Variants in NLGN1 observed in about 807,000 individuals in gnomAD.
The protein encoded by NLGN1 is neuroligin 1, also known as neuroligin-1.
Under a neutral mutation model 65.5 loss-of-function variants are expected in NLGN1, and 12 were observed. The observed-to-expected ratio is 0.18, with a 90% CI of 0.12 to 0.30. The LOEUF (loss-of-function observed/expected upper bound fraction) is 0.30, where lower values mean the gene tolerates loss of function less well. Among genes scored for constraint, NLGN1 ranks in the 10% least tolerant of loss-of-function variants. The probability of loss-of-function intolerance (pLI) is 1.00; values close to 1 mark genes in which losing one functional copy is unlikely to be tolerated. For missense variants in NLGN1, 750 were observed against 1,007.1 expected, an observed-to-expected ratio of 0.74 and a Z score of 3.46; for synonymous variants, 350 against 359.5, an observed-to-expected ratio of 0.97 and a Z score of 0.30.
chr3:174,043,230 C>G (rs966440078), intron 4 of NLGN1, among the ~76,000 whole-genome samples: 5 of 152,142 alleles, frequency 3.3e-5, no homozygotes, highest in Non-Finnish European at 5.9e-5. Flanking sequence ...AGTGGGGACA[C>G]AGCCAAACCA....
chr3:174,103,030 A>G (rs1351213995), intron 4 of NLGN1, among the ~76,000 whole-genome samples: 5 of 152,200 alleles, frequency 3.3e-5, no homozygotes. Context: ...ATGCAGAAAT[A>G]AAATCTCATA....
rs184493110 is a variant in NLGN1, at chr3:173,662,825, A to G, written c.493+57734A>G. Among the ~76,000 whole-genome samples, 180 of 152,112 alleles carry G rather than the reference A, an allele frequency of 1.2e-3. 1 individual carries two copies. The Middle Eastern group carries it at 0.031, about 26-fold the overall frequency. On this transcript the variant is annotated intron_variant, in intron 3 of 6. Coordinates refer to ENST00000457714, the Ensembl canonical transcript of NLGN1. Reference sequence around the variant, plus strand: ...GCTGTTTTAAATCTCACAATTCACAAGGTAACTCCATAACCCCAACACAAA... The same window carrying G: ...GCTGTTTTAAATCTCACAATTCACAGGGTAACTCCATAACCCCAACACAAA...
At chr3:174,226,341 AT>A (rs2152811502) in intron 4 of NLGN1, among the ~76,000 whole-genome samples, 1 of 152,204 alleles carries the variant, frequency 6.6e-6, no homozygotes, top group East Asian at 1.9e-4. Flanking sequence ...TTGACCATCC[AT>A]TTCTTATACT....
At chr3:173,443,705 C>A (rs548654389) in intron 2 of NLGN1, among the ~76,000 whole-genome samples, 1 of 152,172 alleles carries the variant, frequency 6.6e-6, no homozygotes, top group Admixed American at 6.5e-5. Context: ...GCTTAAGGTG[C>A]AATTATTTTC....
chr3:174,206,744 G>A (rs901835594), intron 4 of NLGN1, among the ~76,000 whole-genome samples: 5 of 152,138 alleles, frequency 3.3e-5, no homozygotes, highest in Admixed American at 1.3e-4. Context: ...GTGTGGAATG[G>A]GGAAAAGAGC....
At position 173,495,871 on chromosome 3, in the gene NLGN1, A is replaced by G. The variant is rs1168091596; in HGVS notation, c.-321+60793A>G. On this transcript the variant is annotated intron_variant, in intron 2 of 6. Coordinates refer to ENST00000457714, the Ensembl canonical transcript of NLGN1. Reference sequence around the variant, plus strand: ...TCTGTACATGAAGTTTGTGTTTCCTAGAAGACATATATCTTCTTATGATTT... The same window carrying G: ...TCTGTACATGAAGTTTGTGTTTCCTGGAAGACATATATCTTCTTATGATTT... 2.6e-5 allele frequency among the ~76,000 whole-genome samples: 4 copies of G among 151,814 alleles called. No individual in the cohort carries two copies. In the South Asian group the frequency reaches 6.2e-4, roughly 24 times the overall value.
chr3:173,757,759 T>A (rs991933), intron 3 of NLGN1, among the ~76,000 whole-genome samples: 127,528 of 151,964 alleles, frequency 0.84, 53,931 homozygotes, highest in East Asian at 1. Flanking sequence ...CCTTACTTTC[T>A]TTAGGTGTGC....
chr3:174,151,718 G>A (rs1724392786), intron 4 of NLGN1, among the ~76,000 whole-genome samples: 1 of 152,108 alleles, frequency 6.6e-6, no homozygotes, highest in Non-Finnish European at 1.5e-5. Context: ...GTTCTACAAA[G>A]TTTTCTGCAT....
intron 2 of NLGN1, among the ~76,000 whole-genome samples, chr3:173,436,552 G>T (rs1718170475): frequency 6.6e-6 from 1 of 152,182 alleles, no homozygotes; most frequent in African/African-American, 2.4e-5. Flanking sequence ...TTAACTATGT[G>T]TCCCATTAAT....
intron 4 of NLGN1, among the ~76,000 whole-genome samples, chr3:173,948,712 T>C (rs1337587680): frequency 6.6e-6 from 1 of 152,184 alleles, no homozygotes; most frequent in Non-Finnish European, 1.5e-5. Context: ...TTACGTGATA[T>C]TTGTCTCAAA....
chr3:173,447,490 A>G (rs1720593448), intron 2 of NLGN1, among the ~76,000 whole-genome samples: 2 of 152,174 alleles, frequency 1.3e-5, no homozygotes, highest in South Asian at 2.1e-4. Context: ...GTTTGAAGTC[A>G]GGTAACGTGA....
At chr3:174,251,834 T>A (rs1744817576) in intron 4 of NLGN1, among the ~76,000 whole-genome samples, 2 of 152,072 alleles carry the variant, frequency 1.3e-5, no homozygotes, top group Non-Finnish European at 2.9e-5. Context: ...GCCTGAAGAG[T>A]AAAGAAAGTA....
At chr3:173,622,420 C>T (rs949284711) in intron 3 of NLGN1, among the ~76,000 whole-genome samples, 1 of 151,888 alleles carries the variant, frequency 6.6e-6, no homozygotes, top group Non-Finnish European at 1.5e-5. Context: ...CCACATAAAC[C>T]TCAGAGAGAG....
At chr3:174,031,903 G>C (rs1196832117) in intron 4 of NLGN1, among the ~76,000 whole-genome samples, 1 of 150,408 alleles carries the variant, frequency 6.6e-6, no homozygotes, top group African/African-American at 2.4e-5. Flanking sequence ...ACTAGAAGAG[G>C]AATAAAAACT....
At chr3:173,647,853 T>C (rs1758520264) in intron 3 of NLGN1, among the ~76,000 whole-genome samples, 10 of 152,072 alleles carry the variant, frequency 6.6e-5, no homozygotes, top group Admixed American at 6.5e-4. Context: ...GTTAAAGGCC[T>C]GTATTCTGAA....
chr3:173,751,017 A>G (rs945065845), intron 3 of NLGN1, among the ~76,000 whole-genome samples: 2 of 152,090 alleles, frequency 1.3e-5, no homozygotes, highest in Non-Finnish European at 1.5e-5. Context: ...TGCAGGGTAT[A>G]ATAGGAACAC....
rs1723187562 is a variant in NLGN1 at position 173,834,378 on chromosome 3, A to T, written c.646+26546A>T. On this transcript the variant is annotated intron_variant, in intron 4 of 6. Coordinates refer to ENST00000457714, the Ensembl canonical transcript of NLGN1. ...TGTATTTTTACTTTATATATTTTAA[A>T]ATCAGCTCCTCTAGTTTTAAAATTT... Among the ~76,000 whole-genome samples the T allele has an allele frequency of 2.6e-5, 4 of 152,102 alleles. No individual in the cohort carries two copies. In the South Asian group the frequency reaches 8.3e-4, roughly 31 times the overall value.
chr3:173,758,519 A>G (rs554263857), intron 3 of NLGN1, among the ~76,000 whole-genome samples: 34 of 152,122 alleles, frequency 2.2e-4, no homozygotes, highest in Non-Finnish European at 4.6e-4. Flanking sequence ...TTTCCTGCTA[A>G]TATATTATCT....
chr3:173,770,764 C>CA (rs1365499443), intron 3 of NLGN1, among the ~76,000 whole-genome samples: 4 of 151,626 alleles, frequency 2.6e-5, no homozygotes, highest in Admixed American at 2.0e-4. Flanking sequence ...GTGTGCATCC[C>CA]AAAAAAGGCT....
Sources: gnomAD v4.1 joint callset for allele counts (sites outside exome capture counted in the v4.1 genomes callset) on GRCh38, gnomAD v4.1.1 for gene constraint, MANE v1.5 for transcripts, NCBI Gene and HGNC (gene_info 2026-07-23, HGNC 2026-07-21) for gene names.